The following SH3RF1 variants were observed in gnomAD, a reference collection of about 807,000 sequenced individuals.
The protein encoded by SH3RF1 is E3 ubiquitin-protein ligase SH3RF1.
A neutral mutation model predicts 74.0 loss-of-function variants in SH3RF1; 32 were observed. The ratio of observed to expected loss-of-function variants is 0.43; its 90% CI spans 0.33 to 0.58. SH3RF1 has a LOEUF of 0.58. SH3RF1 is among the 20% of genes least tolerant of loss of function. SH3RF1 has a pLI of 0.05. For synonymous variants in SH3RF1, 396 were observed against 439.6 expected (o/e 0.90, Z 1.24); for missense variants, 954 against 1,130.9 (o/e 0.84, Z 2.24).
intron 2 of SH3RF1, among the ~76,000 whole-genome samples, chr4:169,224,321 AT>A (rs11459151): frequency 0.054 from 7,945 of 146,334 alleles, 314 homozygotes; most frequent in Admixed American, 0.15. Context: ...CTAATTTCCT[AT>A]TTTTTTTTTT....
At chr4:169,250,794 G>C (rs1185642389) in intron 2 of SH3RF1, among the ~76,000 whole-genome samples, 4 of 151,612 alleles carry the variant, frequency 2.6e-5, no homozygotes, top group African/African-American at 4.9e-5. Flanking sequence ...AAGATTGGCA[G>C]TAGAGTGAGG....
At chr4:169,191,449 T>G (rs1250645336) in intron 2 of SH3RF1, among the ~76,000 whole-genome samples, 1 of 152,116 alleles carries the variant, frequency 6.6e-6, no homozygotes, top group Non-Finnish European at 1.5e-5. Context: ...GAATCAATAT[T>G]GTGAAAATGA....
At chr4:169,257,049 T>C (rs889668069) in intron 2 of SH3RF1, among the ~76,000 whole-genome samples, 20 of 152,302 alleles carry the variant, frequency 1.3e-4, no homozygotes, top group Admixed American at 5.9e-4. Flanking sequence ...CCTCACAAAC[T>C]TGGAAAGCAG....
In SH3RF1 at chr4:169,103,407, T is replaced by G. The variant is rs140291823; in HGVS notation, c.2498+3440A>C. Among the ~76,000 whole-genome samples the G allele has an allele frequency of 5.9e-3, 906 of 152,300 alleles. 15 individuals are homozygous for G. Among genetic ancestry groups the G allele is most frequent in the African/African-American group, 0.021 (875 of 41,588 alleles). On this transcript the variant is annotated intron_variant, in intron 11 of 11. Transcript: ENST00000284637. ...AGTAGAATTTTTACCAAAGGAACCCTGGGCTCCTTCTGCATTTTGCCAGGG... is the reference window on the plus strand; with the variant it reads ...AGTAGAATTTTTACCAAAGGAACCCGGGGCTCCTTCTGCATTTTGCCAGGG...
chr4:169,150,326 G>T (rs967873288), intron 4 of SH3RF1, among the ~76,000 whole-genome samples: 1 of 152,144 alleles, frequency 6.6e-6, no homozygotes, highest in Non-Finnish European at 1.5e-5. Context: ...ATCTCAGAAA[G>T]AATCAGTGAG....
chr4:169,117,413 T>C, intron 9 of SH3RF1, 110 bp downstream of exon 9: 1 of 1,496,016 alleles, frequency 6.7e-7, no homozygotes, highest in Non-Finnish European at 9.1e-7. Context: ...TGCCTAATGT[T>C]GTTCATTATT....
At chr4:169,167,678 T>C (rs968110057) in intron 2 of SH3RF1, among the ~76,000 whole-genome samples, 1 of 152,142 alleles carries the variant, frequency 6.6e-6, no homozygotes, top group Admixed American at 6.6e-5. Context: ...GAATCTCTTG[T>C]GGTAAAAATC....
intron 2 of SH3RF1, among the ~76,000 whole-genome samples, chr4:169,219,056 C>A (rs1031013092): frequency 2.6e-5 from 4 of 152,144 alleles, no homozygotes; most frequent in African/African-American, 9.7e-5. Context: ...TCCTTAATAA[C>A]CCTTTCTTAC....
chr4:169,193,492 C>G (rs1734761989), intron 2 of SH3RF1, among the ~76,000 whole-genome samples: 1 of 152,138 alleles, frequency 6.6e-6, no homozygotes, highest in South Asian at 2.1e-4. Context: ...TATTCCAGGG[C>G]TGTTATGTTT....
chr4:169,134,603 T>A (rs1733666240), intron 5 of SH3RF1, among the ~76,000 whole-genome samples: 1 of 152,194 alleles, frequency 6.6e-6, no homozygotes, highest in African/African-American at 2.4e-5. Flanking sequence ...TGAGTGGCCA[T>A]CTTCACTAGC....
chr4:169,259,269 C>T (rs1248885763), intron 2 of SH3RF1, among the ~76,000 whole-genome samples: 1 of 152,124 alleles, frequency 6.6e-6, no homozygotes, highest in Non-Finnish European at 1.5e-5. Flanking sequence ...TGCCTTTCTG[C>T]ACTACGTAAC....
chr4:169,195,724 G>A (rs776589302), intron 2 of SH3RF1, among the ~76,000 whole-genome samples: 3 of 152,048 alleles, frequency 2.0e-5, no homozygotes, highest in African/African-American at 7.2e-5. Flanking sequence ...AACCTATGTA[G>A]TGAGTTGTTT....
intron 2 of SH3RF1, among the ~76,000 whole-genome samples, chr4:169,240,317 TCC>T (rs1429595801): frequency 1.1e-4 from 17 of 152,044 alleles, no homozygotes; most frequent in Admixed American, 7.9e-4. Flanking sequence ...CACCTCAGCC[TCC>T]TGAGGTAGCT....
At chr4:169,260,196 C>A (rs1362984241) in intron 2 of SH3RF1, among the ~76,000 whole-genome samples, 4 of 152,172 alleles carry the variant, frequency 2.6e-5, no homozygotes, top group Non-Finnish European at 4.4e-5. Context: ...TGACATACTG[C>A]CCCTACTCAC....
chr4:169,183,792 A>G (rs1734555902), intron 2 of SH3RF1, among the ~76,000 whole-genome samples: 1 of 151,106 alleles, frequency 6.6e-6, no homozygotes, highest in South Asian at 2.1e-4. Flanking sequence ...AAAAAACTGG[A>G]AAAAAAAAGT....
chr4:169,129,351 G>A (rs1369543187), intron 6 of SH3RF1, among the ~76,000 whole-genome samples: 1 of 152,198 alleles, frequency 6.6e-6, no homozygotes, highest in African/African-American at 2.4e-5. Flanking sequence ...ACTACCGAAG[G>A]TTGCATTTGC....
At chr4:169,128,076 T>C (rs1457951151) in intron 6 of SH3RF1, among the ~76,000 whole-genome samples, 1 of 152,238 alleles carries the variant, frequency 6.6e-6, no homozygotes, top group East Asian at 1.9e-4. Context: ...GCTTAACCTA[T>C]AATTAAATTT....
At chr4:169,262,922 C>G (rs890866037) in intron 2 of SH3RF1, among the ~76,000 whole-genome samples, 2 of 152,082 alleles carry the variant, frequency 1.3e-5, no homozygotes, top group Non-Finnish European at 2.9e-5. Flanking sequence ...AGACATGAAG[C>G]CTGGAGTAAG....
chr4:169,182,963 C>CT (rs1734537178), intron 2 of SH3RF1, among the ~76,000 whole-genome samples: 1 of 152,060 alleles, frequency 6.6e-6, no homozygotes, highest in Non-Finnish European at 1.5e-5. Flanking sequence ...GGAAGGACTG[C>CT]TTGAGGCTAG....
Sources: allele counts gnomAD v4.1 joint callset (sites outside exome capture counted in the v4.1 genomes callset), GRCh38; gene constraint gnomAD v4.1.1; transcripts MANE v1.5; gene names NCBI Gene and HGNC (gene_info 2026-07-23, HGNC 2026-07-21).